The following DDX56 variants were observed in gnomAD, a reference collection of about 807,000 sequenced individuals.
DDX56 encodes the protein DEAD-box helicase 56, also known as probable ATP-dependent RNA helicase DDX56.
In DDX56, 45 loss-of-function variants were observed where a neutral mutation model predicts 61.5. The observed-to-expected ratio is 0.73, with a 90% CI of 0.58 to 0.94. The LOEUF is 0.94. Ranked by LOEUF, DDX56 falls within the 40% of genes least tolerant of loss-of-function variation. The probability of loss-of-function intolerance (pLI) is 0.00; values close to 1 mark genes in which losing one functional copy is unlikely to be tolerated. For missense variants in DDX56, 708 were observed against 690.7 expected (o/e 1.02, Z -0.28); for synonymous variants, 273 against 268.3 (o/e 1.02, Z -0.17).
At chr7:44,570,274 GAGTCAGGGT>G in intron 7 of DDX56, 146 bp from the exon 8 acceptor site, 1 of 1,116,002 alleles carries the variant, frequency 9.0e-7, no homozygotes, top group African/African-American at 1.6e-5. Flanking sequence ...ACCGTTCCAG[GAGTCAGGGT>G]TTCCTGGGGC....
At position 44,567,794 on chromosome 7, in the gene DDX56, G is replaced by C. The variant is rs1802579815; in HGVS notation, c.1489+324C>G. 3 of 410,938 alleles carry C rather than the reference G, an allele frequency of 7.3e-6. No individual in the cohort carries two copies. The Admixed American group carries it at 1.2e-4, about 16-fold the overall frequency. 25.5% of individuals were successfully genotyped at this position (410,938 alleles called of 1,614,324 possible). A position where few individuals can be genotyped will look rare whatever the true frequency, so the allele number is the denominator to read the frequency against. Reference sequence around the variant, plus strand: ...CTGCCCGTGACTCTCTCCCAAACCTGTTCACTCCCTTCGACCCATGGATGG... The same window carrying C: ...CTGCCCGTGACTCTCTCCCAAACCTCTTCACTCCCTTCGACCCATGGATGG... On this transcript the variant is annotated intron_variant, in intron 12 of 13. Coordinates refer to ENST00000258772, the MANE Select transcript of DDX56 (RefSeq NM_019082.4).
intron 12 of DDX56, among the ~76,000 whole-genome samples, chr7:44,567,164 T>TC (rs760232229): frequency 1.5e-4 from 22 of 149,164 alleles, no homozygotes; most frequent in Middle Eastern, 3.4e-3. Flanking sequence ...CAGCTCACTG[T>TC]CCCATGGGAA....
At chr7:44,567,822 A>G (rs1802580359) in intron 12 of DDX56, 2 of 465,024 alleles carry the variant, frequency 4.3e-6, no homozygotes, top group Non-Finnish European at 7.9e-6. Context: ...ATGGATGGCC[A>G]TTTGGCCCAG....
intron 9 of DDX56, 36 bp downstream of exon 9, chr7:44,569,773 G>T: frequency 6.4e-7 from 1 of 1,553,218 alleles, no homozygotes. Context: ...GAAGAAGCCT[G>T]ACCCTGGCCC....
chr7:44,571,921 A>G (rs1035566778), intron 5 of DDX56, among the ~76,000 whole-genome samples, 185 bp from the exon 6 acceptor site: 3 of 152,240 alleles, frequency 2.0e-5, no homozygotes, highest in Non-Finnish European at 4.4e-5. Flanking sequence ...GTTGTGGTAT[A>G]TAGAGTATAC....
Position 44,572,371 on chromosome 7 carries a change from G to A in DDX56, c.621C>T (p.Leu207=). 1.2e-6 allele frequency: 2 copies of A among 1,614,016 alleles called. No homozygotes were observed. Among genetic ancestry groups the A allele is most frequent in the Non-Finnish European group, 1.7e-6 (2 of 1,179,968 alleles). ...CCGGGTTATGTAATATCAGCTCCTT[G>A]AGTGCTTGTACGTCCTCGTTAAAAG... ...SATFNEDVQA[L]KELILHNPVT... Residue 207 remains leucine, a synonymous_variant, in exon 5 of 14, where the codon CTC becomes CTT. Coordinates refer to ENST00000258772, the MANE Select transcript of DDX56 (RefSeq NM_019082.4).
In DDX56 at chr7:44,570,788, T is replaced by C. The variant is rs147890079; in HGVS notation, c.980A>G (p.Lys327Arg). ...AEVLGAPVKG[K>R]RRGRGPKGDK... ...CCCTTTGGGCCCTCGGCCCCGACGC[T>C]TGCCCTTGACTGGGGCCCCCAGGAC... is the stretch of plus-strand genomic sequence containing the variant. The change falls in exon 7 of 14, where the codon AAG (lysine) becomes AGG (arginine). Residue 327 changes from lysine (K) to arginine (R), a missense_variant. By Grantham distance (26) the Lys-to-Arg change is conservative. Transcript: ENST00000258772. 9.3e-6 allele frequency: 15 copies of C among 1,613,568 alleles called. No individual in the cohort carries two copies. Among genetic ancestry groups the C allele is most frequent in the African/African-American group, 5.3e-5 (4 of 74,950 alleles).
At chr7:44,573,372 C>G (rs1802729966) in intron 2 of DDX56, among the ~76,000 whole-genome samples, 1 of 152,188 alleles carries the variant, frequency 6.6e-6, no homozygotes, top group Non-Finnish European at 1.5e-5. Flanking sequence ...AGTGCTTTGT[C>G]GAAGATTACG....
chr7:44,570,467 T>C (rs1802642918), intron 7 of DDX56, among the ~76,000 whole-genome samples: 1 of 152,220 alleles, frequency 6.6e-6, no homozygotes, highest in Non-Finnish European at 1.5e-5. Context: ...ATATGCTCCC[T>C]GCAAGTCACA....
rs1246529538 is a variant in DDX56 at position 44,571,703 on chromosome 7, C to T, written c.679G>A (p.Gly227Arg). 6.2e-7 allele frequency: 1 copy of T among 1,614,072 alleles called. No individual in the cohort carries two copies. The highest frequency in any genetic ancestry group is 8.5e-7 in the Non-Finnish European group (1 of 1,180,046). Residue 227 changes from glycine (G) to arginine (R), a missense_variant, in exon 6 of 14, where the codon GGG (glycine) becomes AGG (arginine). Transcript: ENST00000258772. The stretch of plus-strand genomic sequence containing the variant: ...TGAAACTGCTGTAACTGGTCTGGCC[C>T]AGGCAGCTGGGACTCCTGTAACTTA... ...TLKLQESQLP[G>R]PDQLQQFQVV...
In DDX56 at chr7:44,571,512, T is replaced by C; in HGVS notation, c.870A>G (p.Gly290=). The change falls in exon 6 of 14, where the codon GGA becomes GGG. Residue 290 remains glycine, a synonymous_variant. Coordinates refer to ENST00000258772, the MANE Select transcript of DDX56 (RefSeq NM_019082.4). The part of the protein sequence containing the change: ...QFSIPTCVLN[G]ELPLRSRCHI... ...CAGACCTGGAGCGCAGTGGAAGCTC[T>C]CCATTGAGCACACAGGTGGGGATGC... 1 of 1,614,050 alleles carries C rather than the reference T, an allele frequency of 6.2e-7. No individual in the cohort carries two copies. Among genetic ancestry groups the C allele is most frequent in the African/African-American group, 1.3e-5 (1 of 75,064 alleles).
At chr7:44,570,372 G>A (rs914643207) in intron 7 of DDX56, among the ~76,000 whole-genome samples, 2 of 152,182 alleles carry the variant, frequency 1.3e-5, no homozygotes, top group East Asian at 1.9e-4. Flanking sequence ...TGCCCTACAT[G>A]GTGATCTGAA....
Position 44,572,370 on chromosome 7 carries a change from T to C in DDX56, c.622A>G (p.Lys208Glu). The change falls in exon 5 of 14, where the codon AAG (lysine) becomes GAG (glutamate). Residue 208 changes from lysine (K) to glutamate (E), a missense_variant. Transcript: ENST00000258772. Reference sequence around the variant, plus strand: ...ACCGGGTTATGTAATATCAGCTCCTTGAGTGCTTGTACGTCCTCGTTAAAA... The same window carrying C: ...ACCGGGTTATGTAATATCAGCTCCTCGAGTGCTTGTACGTCCTCGTTAAAA... ...ATFNEDVQAL[K>E]ELILHNPVTL... 1 of 1,614,072 alleles carries C rather than the reference T, an allele frequency of 6.2e-7. No homozygotes were observed. Among genetic ancestry groups the C allele is most frequent in the Non-Finnish European group, 8.5e-7 (1 of 1,179,986 alleles).
Position 44,571,583 on chromosome 7 carries a change from T to C in DDX56, c.799A>G (p.Thr267Ala). 1 of 1,613,846 alleles carries C rather than the reference T, an allele frequency of 6.2e-7. No individual in the cohort carries two copies. Among genetic ancestry groups the C allele is most frequent in the East Asian group, 2.2e-5 (1 of 44,866 alleles). ...CGTAGCCGGTAACTCCGTTCTAGAGTGTTGACAAAGAGCAGAGACTTGCCC... is the reference window on the plus strand; with the variant it reads ...CGTAGCCGGTAACTCCGTTCTAGAGCGTTGACAAAGAGCAGAGACTTGCCC... ...IRGKSLLFVNTLERSYRLRLF... is the reference protein window; with the variant it reads ...IRGKSLLFVNALERSYRLRLF... The change falls in exon 6 of 14, where the codon ACT (threonine) becomes GCT (alanine). Residue 267 changes from threonine (T) to alanine (A), a missense_variant. By Grantham distance (58) the Thr-to-Ala change is moderately conservative. Transcript: ENST00000258772.
rs552221625 is a variant in DDX56, at chr7:44,572,950, T to C, written c.323A>G (p.Tyr108Cys). The change falls in exon 3 of 14, where the codon TAC (tyrosine) becomes TGC (cysteine). Residue 108 changes from tyrosine (Y) to cysteine (C), a missense_variant. Tyr to Cys is a radical substitution (Grantham distance 194). Coordinates refer to ENST00000258772, the MANE Select transcript of DDX56 (RefSeq NM_019082.4). ...GGCCACTCGGACATCCCGAGCACAG[T>C]AGGTAGCCAGCTGCTGAATCATGGA... ...AQSMIQQLATYCARDVRVANV... is the reference protein window; with the variant it reads ...AQSMIQQLATCCARDVRVANV... 9 of 1,613,000 alleles carry C rather than the reference T, an allele frequency of 5.6e-6. No individual in the cohort carries two copies. In the South Asian group the frequency reaches 6.6e-5, roughly 12 times the overall value.
chr7:44,568,315 T>TA, intron 11 of DDX56, 92 bp from the exon 12 acceptor site: 2 of 903,270 alleles, frequency 2.2e-6, no homozygotes, highest in Non-Finnish European at 3.4e-6. Flanking sequence ...ACTCATGTGT[T>TA]TCAAAAGGCA....
chr7:44,566,034 T>C lies in DDX56; in HGVS notation c.1612A>G (p.Lys538Glu), dbSNP rs1180889513. 57 of 1,612,938 alleles carry C rather than the reference T, an allele frequency of 3.5e-5. No homozygotes were observed. Among genetic ancestry groups the C allele is most frequent in the Non-Finnish European group, 4.7e-5 (56 of 1,179,920 alleles). Residue 538 changes from lysine to glutamate, a missense_variant, in exon 14 of 14, where the codon AAG (lysine) becomes GAG (glutamate). Coordinates refer to ENST00000258772, the MANE Select transcript of DDX56 (RefSeq NM_019082.4). ...NPLRSFKHKG[K>E]KFRPTAKPS ...GGCTTGGCTGTGGGTCTGAATTTCTTTCCTTTGTGCTTGAAGCTGCGCAGT... is the reference window on the plus strand; with the variant it reads ...GGCTTGGCTGTGGGTCTGAATTTCTCTCCTTTGTGCTTGAAGCTGCGCAGT...
In DDX56 at chr7:44,573,737, G is replaced by T. The variant is rs1217629816; in HGVS notation, c.68C>A (p.Thr23Asn). The T allele has an allele frequency of 2.5e-6, 4 of 1,613,580 alleles. No individual in the cohort carries two copies. The highest frequency in any genetic ancestry group is 8.5e-7 in the Non-Finnish European group (1 of 1,179,976). ...CGTAGGTCGCGACCAGCCCAGATCG[G>T]TGACAGCCTAGGAGACCAGGAGTGC... ...GLDPRLLQAVTDLGWSRPTLI... is the reference protein window; with the variant it reads ...GLDPRLLQAVNDLGWSRPTLI... Residue 23 changes from threonine to asparagine, a missense_variant, in exon 2 of 14, where the codon ACC (threonine) becomes AAC (asparagine). By Grantham distance (65) the Thr-to-Asn change is moderately conservative. Coordinates refer to ENST00000258772, the MANE Select transcript of DDX56 (RefSeq NM_019082.4).
rs1802733857 is a variant in DDX56 at position 44,573,483 on chromosome 7, C to A, written c.222+100G>T. The A allele has an allele frequency of 6.1e-6, 9 of 1,468,868 alleles. No homozygotes were observed. In the Admixed American group the frequency reaches 1.2e-4, roughly 20 times the overall value. The allele number at this position is 1,468,868 out of a possible 1,614,324, so 91.0% of individuals were successfully genotyped here. ...CACCAGGTTCTCAGGCCGGCCTGCA[C>A]GGGTACAGGGCCAAGAGAAAACCTC... On this transcript the variant is annotated intron_variant, in intron 2 of 13. Transcript: ENST00000258772.
Sources: gnomAD v4.1 joint callset for allele counts (sites outside exome capture counted in the v4.1 genomes callset) on GRCh38, gnomAD v4.1.1 for gene constraint, MANE v1.5 for transcripts, NCBI Gene and HGNC (gene_info 2026-07-23, HGNC 2026-07-21) for gene names.